Variants in TRAF3IP3 observed in about 807,000 individuals in gnomAD.
TRAF3IP3 encodes TRAF3 interacting protein 3.
A neutral mutation model predicts 86.5 loss-of-function variants in TRAF3IP3; 64 were observed. That is an observed-to-expected ratio of 0.74 (90% confidence interval 0.60 to 0.91). The LOEUF (loss-of-function observed/expected upper bound fraction) is 0.91. TRAF3IP3 is among the 40% of genes least tolerant of loss of function. The probability of loss-of-function intolerance (pLI) is 0.00; values close to 1 mark genes in which losing one functional copy is unlikely to be tolerated. For missense variants in TRAF3IP3, 579 were observed against 642.9 expected (o/e 0.90, Z 1.07); for synonymous variants, 220 against 243.9 (o/e 0.90, Z 0.91).
At chr1:209,779,091 AC>A (rs1436877718) in intron 13 of TRAF3IP3, 4 of 580,744 alleles carry the variant, frequency 6.9e-6, no homozygotes, top group Non-Finnish European at 1.2e-5. Context: ...CACCTGAATG[AC>A]CCCATTTTAA....
chr1:209,771,921 G>A (rs1246532322), intron 8 of TRAF3IP3, among the ~76,000 whole-genome samples: 8 of 140,854 alleles, frequency 5.7e-5, no homozygotes, highest in Non-Finnish European at 1.2e-4. Flanking sequence ...ATATGGAGGT[G>A]TGCGTGTGCA....
At chr1:209,757,824 C>T (rs762082417) in intron 1 of TRAF3IP3, among the ~76,000 whole-genome samples, 1 of 152,232 alleles carries the variant, frequency 6.6e-6, no homozygotes, top group Non-Finnish European at 1.5e-5. Context: ...TTATTGTGTG[C>T]TCCATGCCAG....
intron 8 of TRAF3IP3, among the ~76,000 whole-genome samples, chr1:209,770,310 T>G (rs2077440585): frequency 6.6e-6 from 1 of 152,208 alleles, no homozygotes; most frequent in African/African-American, 2.4e-5. Context: ...CATGTGGAAA[T>G]GTATGTATGC....
Position 209,763,083 on chromosome 1 carries a change from T to G in TRAF3IP3, c.567T>G (p.Val189=), listed in dbSNP as rs2077276289. ...ASQQTNYGVA[V]LDKEIIQLSD... ...CTCTTTCCAGTTACGGAGTTGCAGTTCTGGATAAGGTAAGCACATATTCAC... is the reference window on the plus strand; with the variant it reads ...CTCTTTCCAGTTACGGAGTTGCAGTGCTGGATAAGGTAAGCACATATTCAC... Residue 189 remains valine (V), a synonymous_variant, in exon 6 of 17, where the codon GTT becomes GTG. Coordinates refer to ENST00000367025, the MANE Select transcript of TRAF3IP3 (RefSeq NM_025228.4). The G allele has an allele frequency of 6.2e-7, 1 of 1,613,460 alleles. No homozygotes were observed. The highest frequency in any genetic ancestry group is 8.5e-7 in the Non-Finnish European group (1 of 1,179,734).
intron 8 of TRAF3IP3, chr1:209,768,210 A>G (rs1252046124): frequency 1.0e-6 from 1 of 985,312 alleles, no homozygotes; most frequent in Non-Finnish European, 1.2e-6. Flanking sequence ...TGACCTTCAT[A>G]AATTTGAATT....
intron 3 of TRAF3IP3, among the ~76,000 whole-genome samples, chr1:209,761,373 C>T (rs1337530): frequency 4.6e-4 from 70 of 152,314 alleles, no homozygotes; most frequent in African/African-American, 1.7e-3. Flanking sequence ...CCAGGGTATG[C>T]TGAGATGACC....
Position 209,781,380 on chromosome 1 carries a change from T to C in TRAF3IP3, c.1485T>C (p.Ser495=), listed in dbSNP as rs1243416536. ...TGCATTCAGAATTAGACAACCTCAG[T>C]GACGAGTATCTCTCCTGCCTGCGTA... ...RELHSELDNL[S]DEYLSCLRKL... Residue 495 remains serine (S), a synonymous_variant, in exon 16 of 17, where the codon AGT becomes AGC. Coordinates refer to ENST00000367025, the MANE Select transcript of TRAF3IP3 (RefSeq NM_025228.4). 6.2e-7 allele frequency: 1 copy of C among 1,613,536 alleles called. No homozygotes were observed. Among genetic ancestry groups the C allele is most frequent in the Admixed American group, 1.7e-5 (1 of 60,006 alleles).
At chr1:209,763,206 A>T in intron 6 of TRAF3IP3, 114 bp downstream of exon 6, 1 of 1,392,272 alleles carries the variant, frequency 7.2e-7, no homozygotes. Flanking sequence ...CTGGATGGCA[A>T]GGGGGTACTG....
chr1:209,760,075 G>A lies in TRAF3IP3; in HGVS notation c.36G>A (p.Leu12=). The A allele has an allele frequency of 1.2e-6, 2 of 1,614,064 alleles. No homozygotes were observed. The highest frequency in any genetic ancestry group is 3.3e-5 in the Admixed American group (2 of 60,014). Residue 12 remains leucine (L), a synonymous_variant, in exon 3 of 17, where the codon TTG becomes TTA. Coordinates refer to ENST00000367025, the MANE Select transcript of TRAF3IP3 (RefSeq NM_025228.4). The part of the protein sequence containing the change: ...ISPDPRPSPG[L]ARWAESYEAK... ...CAGACCCCAGGCCCTCCCCTGGCTT[G>A]GCCCGGTGGGCTGAGAGCTATGAGG...
intron 11 of TRAF3IP3, 95 bp downstream of exon 11, chr1:209,775,831 C>A: frequency 1.7e-6 from 2 of 1,208,386 alleles, no homozygotes; most frequent in Non-Finnish European, 2.3e-6. Flanking sequence ...CCAAAGGCAG[C>A]TGACAGCATC....
chr1:209,780,703 GA>G, intron 15 of TRAF3IP3, 97 bp downstream of exon 15: 1 of 1,208,780 alleles, frequency 8.3e-7, no homozygotes, highest in Non-Finnish European at 1.1e-6. Context: ...TTTAAGTTGT[GA>G]GTGGATAACC....
chr1:209,777,254 C>A, intron 11 of TRAF3IP3, 98 bp from the exon 12 acceptor site: 1 of 1,111,250 alleles, frequency 9.0e-7, no homozygotes, highest in Admixed American at 2.4e-5. Context: ...CTCTAAAATT[C>A]CAGACTTTTC....
Position 209,760,304 on chromosome 1 carries a change from C to G in TRAF3IP3, c.265C>G (p.Pro89Ala). The G allele has an allele frequency of 6.2e-7, 1 of 1,614,120 alleles. No individual in the cohort carries two copies. The highest frequency in any genetic ancestry group is 1.1e-5 in the South Asian group (1 of 91,076). ...AQHPQAREQG[P>A]SRRPGQVTVL... ...GCATCCCCAGGCCAGGGAGCAAGGG[C>G]CCTCCAGGCGGCCAGGACAGGTGAC... The change falls in exon 3 of 17, where the codon CCC becomes GCC. Residue 89 changes from proline to alanine, a missense_variant. Pro to Ala is a conservative substitution (Grantham distance 27). Transcript: ENST00000367025.
chr1:209,781,840 G>A (rs2077787882), intron 16 of TRAF3IP3: 1 of 567,280 alleles, frequency 1.8e-6, no homozygotes, highest in Admixed American at 3.1e-5. Flanking sequence ...TTATATATCT[G>A]GTCCCTGATG....
intron 8 of TRAF3IP3, among the ~76,000 whole-genome samples, chr1:209,770,943 TGTGCGTGTGCATGTGGAGGG>T (rs1558019888): frequency 4.2e-4 from 56 of 132,710 alleles, no homozygotes; most frequent in Non-Finnish European, 6.3e-4. Context: ...CAGGTGGAGG[TGTGCGTGTGCATGTGGAGGG>T]GTGCGTGTGC....
Position 209,765,178 on chromosome 1 carries a change from G to GGAGAGAGAGA in TRAF3IP3, c.702+1617_702+1626dup, listed in dbSNP as rs375415223. 1.3e-4 allele frequency among the ~76,000 whole-genome samples: 11 copies of GGAGAGAGAGA among 87,876 alleles called. No individual in the cohort carries two copies. The South Asian group carries it at 1.4e-3, about 11-fold the overall frequency. The allele number at this position is 87,876 out of a possible 152,430, so 57.7% of individuals were successfully genotyped here. ...TGACAGAGCAGGACTCTGAGAGACAGGAGAGAGAGAGAGAGAGAGAGAGAG... is the reference window on the plus strand; with the variant it reads ...TGACAGAGCAGGACTCTGAGAGACAGGAGAGAGAGAGAGAGAGAGAGAGAGAGAGAGAGAG... On this transcript the variant is annotated intron_variant, in intron 8 of 16. Coordinates refer to ENST00000367025, the MANE Select transcript of TRAF3IP3 (RefSeq NM_025228.4).
At chr1:209,771,201 G>T (rs1314989322) in intron 8 of TRAF3IP3, among the ~76,000 whole-genome samples, 1 of 148,476 alleles carries the variant, frequency 6.7e-6, no homozygotes, top group Non-Finnish European at 1.5e-5. Flanking sequence ...AGGTGTGCGT[G>T]TTCATGTGAA....
At chr1:209,760,525 C>A in intron 3 of TRAF3IP3, 141 bp downstream of exon 3, 3 of 719,366 alleles carry the variant, frequency 4.2e-6, no homozygotes, top group Non-Finnish European at 6.8e-6. Context: ...CCAAGAGCTA[C>A]TTATAGTAAA....
At chr1:209,766,788 C>T (rs1369187873) in intron 8 of TRAF3IP3, among the ~76,000 whole-genome samples, 1 of 152,224 alleles carries the variant, frequency 6.6e-6, no homozygotes, top group African/African-American at 2.4e-5. Flanking sequence ...TGCTTGAACC[C>T]AGGAGGTGGA....
Sources: allele counts gnomAD v4.1 joint callset (sites outside exome capture counted in the v4.1 genomes callset), GRCh38; gene constraint gnomAD v4.1.1; transcripts MANE v1.5; gene names NCBI Gene and HGNC (gene_info 2026-07-23, HGNC 2026-07-21).